ATG7: variants seen among roughly 807,000 people sequenced by gnomAD.
The protein encoded by ATG7 is ubiquitin-like modifier-activating enzyme ATG7.
ATG7 carries 70 observed loss-of-function variants against 82.4 expected under a neutral mutation model. That is an observed-to-expected ratio of 0.85 (90% CI 0.70 to 1.04). The LOEUF (loss-of-function observed/expected upper bound fraction) is 1.04, where lower values mean the gene tolerates loss of function less well. Ranked by LOEUF, ATG7 falls within the 50% of genes least tolerant of loss-of-function variation. The probability of loss-of-function intolerance (pLI) is 0.00; values close to 1 mark genes in which losing one functional copy is unlikely to be tolerated. For synonymous variants in ATG7, 287 were observed against 313.0 expected (o/e 0.92, Z 0.88); for missense variants, 792 against 864.3 (o/e 0.92, Z 1.05).
intron 20 of ATG7, among the ~76,000 whole-genome samples, chr3:11,505,521 G>T (rs1238802981): frequency 3.3e-5 from 5 of 152,218 alleles, no homozygotes; most frequent in African/African-American, 1.2e-4. Context: ...AGAGGAAAAT[G>T]AGAGGTCACT....
intron 20 of ATG7, among the ~76,000 whole-genome samples, chr3:11,551,236 G>A (rs2071748055): frequency 6.6e-6 from 1 of 152,164 alleles, no homozygotes; most frequent in Non-Finnish European, 1.5e-5. Flanking sequence ...CGTCTCCCTC[G>A]GCCCATGGTG....
intron 20 of ATG7, among the ~76,000 whole-genome samples, chr3:11,489,842 C>T (rs1189161003): frequency 1.3e-5 from 2 of 152,064 alleles, no homozygotes; most frequent in Non-Finnish European, 2.9e-5. Flanking sequence ...ATCTGAGAGA[C>T]AGTTTGTTAT....
intron 9 of ATG7, among the ~76,000 whole-genome samples, chr3:11,316,124 G>A (rs1018471029): frequency 6.6e-6 from 1 of 151,886 alleles, no homozygotes; most frequent in African/African-American, 2.4e-5. Context: ...TGTAGTTCAG[G>A]CCCCTCATAT....
intron 20 of ATG7, among the ~76,000 whole-genome samples, chr3:11,489,912 T>C (rs1263476560): frequency 6.6e-6 from 1 of 151,862 alleles, no homozygotes; most frequent in East Asian, 1.9e-4. Flanking sequence ...TGGTCAATGT[T>C]GGAATAGGTG....
rs770995039 is a variant in ATG7, at chr3:11,477,149, C to T, written c.2079+50223C>T. 26 of 1,289,616 alleles carry T rather than the reference C, an allele frequency of 2.0e-5. No homozygotes were observed. In the African/African-American group the frequency reaches 2.3e-4, roughly 11 times the overall value. 79.9% of individuals were successfully genotyped at this position (1,289,616 alleles called of 1,614,324 possible). ...TACCTGCCAGCATCTTTGAGATCTT[C>T]GGCTCTGGATGAAGCAGGAGAGGCA... On this transcript the variant is annotated intron_variant, in intron 20 of 20. Coordinates refer to ENST00000693202, the MANE Select transcript of ATG7 (RefSeq NM_001349232.2).
In ATG7 at chr3:11,338,369, T is replaced by C. The variant is rs112528807; in HGVS notation, c.890-2276T>C. On this transcript the variant is annotated intron_variant, in intron 11 of 20. Transcript: ENST00000693202. ...TATCCAGTCTGTCATTGATGGGCATTTAAGCAGATTCCATGTCTTTGATGT... is the reference window on the plus strand; with the variant it reads ...TATCCAGTCTGTCATTGATGGGCATCTAAGCAGATTCCATGTCTTTGATGT... Among the ~76,000 whole-genome samples the C allele has an allele frequency of 2.7e-3, 404 of 152,354 alleles. 1 individual carries two copies. Among genetic ancestry groups the C allele is most frequent in the African/African-American group, 9.2e-3 (384 of 41,574 alleles).
intron 18 of ATG7, among the ~76,000 whole-genome samples, chr3:11,375,886 A>G (rs2077382600): frequency 6.6e-6 from 1 of 152,224 alleles, no homozygotes. Context: ...GTCACTTTGG[A>G]AAACAAGTTG....
At chr3:11,440,203 G>C (rs1352779579) in intron 20 of ATG7, among the ~76,000 whole-genome samples, 1 of 152,078 alleles carries the variant, frequency 6.6e-6, no homozygotes, top group Non-Finnish European at 1.5e-5. Context: ...TCTTAAACTG[G>C]CTTCTAATAA....
At position 11,380,033 on chromosome 3, in the gene ATG7, G is replaced by C; in HGVS notation, c.1937G>C (p.Cys646Ser). 1 of 1,614,022 alleles carries C rather than the reference G, an allele frequency of 6.2e-7. No homozygotes were observed. Among genetic ancestry groups the C allele is most frequent in the East Asian group, 2.2e-5 (1 of 44,882 alleles). The change falls in exon 19 of 21, where the codon TGT becomes TCT. Residue 646 changes from cysteine (C) to serine (S), a missense_variant. Transcript: ENST00000693202. Reference protein sequence around the residue: ...VLPVSLAFDKCTACSSKVLDQ... With the variant: ...VLPVSLAFDKSTACSSKVLDQ... Reference sequence around the variant, plus strand: ...CCCGTCAGCCTGGCATTTGACAAATGTACAGCTTGTTCTTCCAAAGTAAGT... The same window carrying C: ...CCCGTCAGCCTGGCATTTGACAAATCTACAGCTTGTTCTTCCAAAGTAAGT...
At chr3:11,337,734 C>G (rs1307740318) in intron 11 of ATG7, among the ~76,000 whole-genome samples, 1 of 152,068 alleles carries the variant, frequency 6.6e-6, no homozygotes, top group East Asian at 1.9e-4. Flanking sequence ...CTCCTGCAAT[C>G]TTTCCTCCTG....
chr3:11,395,474 G>T lies in ATG7; in HGVS notation c.1956+15422G>T, dbSNP rs1576036776. Among the ~76,000 whole-genome samples the T allele has an allele frequency of 2.6e-5, 4 of 152,208 alleles. No individual in the cohort carries two copies. The East Asian group carries it at 5.8e-4, about 22-fold the overall frequency. On this transcript the variant is annotated intron_variant, in intron 19 of 20. Transcript: ENST00000693202. ...CAAACTTCAGAAAATGGAATATAAAGACATCTTAAAAGCAGTGGGGGATGG... is the reference window on the plus strand; with the variant it reads ...CAAACTTCAGAAAATGGAATATAAATACATCTTAAAAGCAGTGGGGGATGG...
chr3:11,552,527 G>C (rs1355294522), intron 20 of ATG7, among the ~76,000 whole-genome samples: 3 of 152,058 alleles, frequency 2.0e-5, no homozygotes, highest in African/African-American at 7.3e-5. Context: ...ATCCCCAGGA[G>C]TCCCTGTTCT....
chr3:11,519,491 T>C (rs2092374564), intron 20 of ATG7, among the ~76,000 whole-genome samples: 1 of 150,626 alleles, frequency 6.6e-6, no homozygotes, highest in South Asian at 2.1e-4. Context: ...GCTGTCTTGC[T>C]TTCATCATAT....
intron 20 of ATG7, among the ~76,000 whole-genome samples, chr3:11,549,519 T>G (rs2071582973): frequency 6.6e-6 from 1 of 152,174 alleles, no homozygotes; most frequent in African/African-American, 2.4e-5. Context: ...CCCCTTCCAG[T>G]TGGGCTTCCT....
At chr3:11,409,969 G>A (rs1334854819) in intron 19 of ATG7, among the ~76,000 whole-genome samples, 1 of 152,164 alleles carries the variant, frequency 6.6e-6, no homozygotes, top group Non-Finnish European at 1.5e-5. Flanking sequence ...CTTGCTGACT[G>A]TAGCTGTACA....
chr3:11,509,502 A>T (rs1414979548), intron 20 of ATG7, among the ~76,000 whole-genome samples: 2 of 152,112 alleles, frequency 1.3e-5, no homozygotes, highest in East Asian at 3.9e-4. Context: ...ACAGACATAG[A>T]CATGTTTGCT....
At chr3:11,359,519 ACT>A (rs1184266709) in intron 15 of ATG7, among the ~76,000 whole-genome samples, 2 of 151,800 alleles carry the variant, frequency 1.3e-5, no homozygotes, top group South Asian at 2.1e-4. Flanking sequence ...ACATGGTGAG[ACT>A]CTCTCTCTAG....
intron 9 of ATG7, among the ~76,000 whole-genome samples, chr3:11,323,604 C>A (rs944515618): frequency 4.6e-5 from 7 of 152,224 alleles, no homozygotes; most frequent in Non-Finnish European, 8.8e-5. Flanking sequence ...TTACTTGACT[C>A]TTCTACTTCA....
At chr3:11,354,175 T>C (rs1218753521) in intron 14 of ATG7, among the ~76,000 whole-genome samples, 1 of 152,166 alleles carries the variant, frequency 6.6e-6, no homozygotes, top group Non-Finnish European at 1.5e-5. Flanking sequence ...TTCCTTCTCT[T>C]CTACTCCAGG....
Sources: allele counts gnomAD v4.1 joint callset (sites outside exome capture counted in the v4.1 genomes callset), GRCh38; gene constraint gnomAD v4.1.1; transcripts MANE v1.5; gene names NCBI Gene and HGNC (gene_info 2026-07-23, HGNC 2026-07-21).